Variants in ARL8B observed in about 807,000 individuals in gnomAD.
ARL8B encodes ADP-ribosylation factor-like protein 8B.
ARL8B carries 9 observed loss-of-function variants against 30.6 expected under a neutral mutation model. The observed-to-expected ratio is 0.29, with a 90% CI of 0.18 to 0.51. The LOEUF (loss-of-function observed/expected upper bound fraction) is 0.51, where lower values mean the gene tolerates loss of function less well. Ranked by LOEUF, ARL8B falls within the 20% of genes least tolerant of loss-of-function variation. The probability of loss-of-function intolerance (pLI) is 0.97; values close to 1 mark genes in which losing one functional copy is unlikely to be tolerated. For synonymous variants in ARL8B, 74 were observed against 76.0 expected (o/e 0.97, Z 0.14); for missense variants, 130 against 227.2 (o/e 0.57, Z 2.75).
intron 1 of ARL8B, among the ~76,000 whole-genome samples, chr3:5,136,937 C>G (rs542788837): frequency 6.6e-6 from 1 of 152,290 alleles, no homozygotes; most frequent in African/African-American, 2.4e-5. Context: ...TTATATTTAT[C>G]TGTGCAAATT....
intron 1 of ARL8B, among the ~76,000 whole-genome samples, chr3:5,166,504 A>C (rs190724873): frequency 6.6e-6 from 1 of 151,320 alleles, no homozygotes; most frequent in African/African-American, 2.4e-5. Flanking sequence ...TGCCTGGCTA[A>C]TTTTTTATAT....
chr3:5,180,732 T>TG lies in ARL8B; in HGVS notation c.*2020dup, dbSNP rs142839616. The TG allele has an allele frequency of 6.5e-6, 1 of 152,772 alleles. No homozygotes were observed. Among genetic ancestry groups the TG allele is most frequent in the African/African-American group, 2.4e-5 (1 of 41,568 alleles). 9.5% of individuals were successfully genotyped at this position (152,772 alleles called of 1,614,324 possible). A position where few individuals can be genotyped will look rare whatever the true frequency, so the allele number is the denominator to read the frequency against. ...TCTTCTCAGCTTTATTCAATAAACT[T>TG]GCATTTTAAGGGTTGTATTGGCAAT... On this transcript the variant is annotated 3_prime_UTR_variant, in exon 7 of 7. Coordinates refer to ENST00000256496, the MANE Select transcript of ARL8B (RefSeq NM_018184.3).
At chr3:5,169,342 TGA>T (rs1442747111) in intron 1 of ARL8B, among the ~76,000 whole-genome samples, 7 of 148,882 alleles carry the variant, frequency 4.7e-5, no homozygotes, top group East Asian at 2.0e-4. Context: ...TGTGTGTGTG[TGA>T]GTGTGTGAGA....
intron 1 of ARL8B, among the ~76,000 whole-genome samples, chr3:5,124,224 T>C (rs2054209144): frequency 6.6e-6 from 1 of 150,384 alleles, no homozygotes; most frequent in African/African-American, 2.5e-5. Flanking sequence ...TCCGCAGGAA[T>C]AGAAGAGTGG....
At chr3:5,150,180 G>A (rs978226240) in intron 1 of ARL8B, among the ~76,000 whole-genome samples, 3 of 152,074 alleles carry the variant, frequency 2.0e-5, no homozygotes, top group Non-Finnish European at 4.4e-5. Flanking sequence ...GGTAGAATTA[G>A]GGCTGGGCAC....
intron 6 of ARL8B, among the ~76,000 whole-genome samples, 194 bp downstream of exon 6, chr3:5,174,608 CT>C (rs1307841811): frequency 6.7e-6 from 1 of 148,968 alleles, no homozygotes; most frequent in Non-Finnish European, 1.5e-5. Context: ...TCATTGATGG[CT>C]TCTTTGAAAT....
intron 1 of ARL8B, among the ~76,000 whole-genome samples, chr3:5,143,356 T>G (rs2054391626): frequency 1.3e-5 from 2 of 152,250 alleles, no homozygotes; most frequent in Non-Finnish European, 1.5e-5. Context: ...AGTTAACCTC[T>G]GCAATGTGGG....
intron 4 of ARL8B, 24 bp from the exon 5 acceptor site, chr3:5,173,993 T>C: frequency 6.4e-7 from 1 of 1,561,908 alleles, no homozygotes; most frequent in Non-Finnish European, 8.8e-7. Flanking sequence ...AAACGTGTGC[T>C]CTTAATATCT....
intron 1 of ARL8B, among the ~76,000 whole-genome samples, chr3:5,138,652 C>T (rs2054347262): frequency 6.6e-6 from 1 of 152,178 alleles, no homozygotes; most frequent in Non-Finnish European, 1.5e-5. Flanking sequence ...TCTTACTGCG[C>T]TTACTGCACC....
intron 1 of ARL8B, among the ~76,000 whole-genome samples, chr3:5,155,224 A>C (rs567309642): frequency 6.6e-6 from 1 of 152,284 alleles, no homozygotes; most frequent in Admixed American, 6.5e-5. Flanking sequence ...TAGCACTTTG[A>C]ATATATTAGC....
intron 1 of ARL8B, among the ~76,000 whole-genome samples, chr3:5,154,950 G>T (rs770079355): frequency 9.9e-5 from 15 of 152,162 alleles, no homozygotes; most frequent in Non-Finnish European, 1.5e-4. Context: ...GGCCAGGCTG[G>T]TCTCGAACTC....
intron 1 of ARL8B, among the ~76,000 whole-genome samples, chr3:5,148,683 C>T (rs1000007277): frequency 4.6e-5 from 7 of 152,130 alleles, no homozygotes; most frequent in African/African-American, 1.4e-4. Flanking sequence ...TTATCATTTA[C>T]ATAGAGAATT....
intron 1 of ARL8B, among the ~76,000 whole-genome samples, chr3:5,166,348 G>GTTTTTTTTTTT (rs576653836): frequency 1.0e-5 from 1 of 99,182 alleles, no homozygotes; most frequent in African/African-American, 4.1e-5. Context: ...GGTATCTTTC[G>GTTTTTTTTTTT]TTTTTTTTTT....
intron 4 of ARL8B, 89 bp downstream of exon 4, chr3:5,172,829 A>G: frequency 2.3e-6 from 2 of 866,240 alleles, no homozygotes; most frequent in Non-Finnish European, 3.6e-6. Context: ...TATGTTTGAA[A>G]TCAGTAACAT....
chr3:5,168,712 G>A (rs1031663293), intron 1 of ARL8B, among the ~76,000 whole-genome samples: 2 of 152,164 alleles, frequency 1.3e-5, no homozygotes, highest in African/African-American at 4.8e-5. Flanking sequence ...TAGATAAACT[G>A]ACCCAGAAAC....
intron 4 of ARL8B, among the ~76,000 whole-genome samples, chr3:5,173,097 G>A (rs1352151556): frequency 6.6e-6 from 1 of 152,176 alleles, no homozygotes; most frequent in African/African-American, 2.4e-5. Context: ...AGGAAGAAAG[G>A]TGCAAGGGGA....
At chr3:5,123,201 T>C (rs2054199185) in intron 1 of ARL8B, among the ~76,000 whole-genome samples, 2 of 152,136 alleles carry the variant, frequency 1.3e-5, no homozygotes, top group Non-Finnish European at 2.9e-5. Context: ...CCACAATACA[T>C]AGTATTTATT....
At chr3:5,173,540 T>C (rs1216163856) in intron 4 of ARL8B, among the ~76,000 whole-genome samples, 1 of 151,978 alleles carries the variant, frequency 6.6e-6, no homozygotes, top group Non-Finnish European at 1.5e-5. Flanking sequence ...ATCGAGACCA[T>C]CCTGGCTAAC....
At chr3:5,160,689 T>C (rs899940284) in intron 1 of ARL8B, among the ~76,000 whole-genome samples, 2 of 152,234 alleles carry the variant, frequency 1.3e-5, no homozygotes, top group African/African-American at 4.8e-5. Flanking sequence ...TAAAAAGTTA[T>C]CTAGATGTGA....
Sources: allele counts gnomAD v4.1 joint callset (sites outside exome capture counted in the v4.1 genomes callset), GRCh38; gene constraint gnomAD v4.1.1; transcripts MANE v1.5; gene names NCBI Gene and HGNC (gene_info 2026-07-23, HGNC 2026-07-21).